STEAP1B: variants seen among roughly 807,000 people sequenced by gnomAD.
The protein encoded by STEAP1B is STEAP family member 1B.
Under a neutral mutation model 27.9 loss-of-function variants are expected in STEAP1B, and 13 were observed. The ratio of observed to expected loss-of-function variants is 0.47; its 90% CI spans 0.30 to 0.74. STEAP1B has a LOEUF of 0.74. STEAP1B is among the 30% of genes least tolerant of loss of function. The pLI is 0.06. For missense variants in STEAP1B, 250 were observed against 298.7 expected (o/e 0.84, Z 1.20); for synonymous variants, 86 against 107.1 (o/e 0.80, Z 1.22).
intron 4 of STEAP1B, among the ~76,000 whole-genome samples, chr7:22,473,846 G>A (rs1191486514): frequency 6.6e-6 from 1 of 152,166 alleles, no homozygotes; most frequent in Non-Finnish European, 1.5e-5. Flanking sequence ...TGTGATGGTG[G>A]TGATGGCAGA....
intron 4 of STEAP1B, among the ~76,000 whole-genome samples, chr7:22,421,487 G>A (rs2128397744): frequency 6.6e-6 from 1 of 152,334 alleles, no homozygotes. Flanking sequence ...AGTTCACAGT[G>A]GAAGCTGCTT....
rs773609493 is a variant in STEAP1B at position 22,493,375 on chromosome 7, G to GT, written c.545dup (p.Tyr182Ter). 6.2e-7 allele frequency: 1 copy of GT among 1,614,120 alleles called. No homozygotes were observed. Among genetic ancestry groups the GT allele is most frequent in the Non-Finnish European group, 8.5e-7 (1 of 1,180,016 alleles). Residue 182 changes from tyrosine to a stop codon, truncating the protein, a stop_gained and frameshift_variant, in exon 3 of 5, where the codon TAC (tyrosine) becomes TAAC (stop). Transcript: ENST00000678116. LOFTEE classifies it high-confidence loss of function. The part of the protein sequence containing the change: ...AVLHAIYTLS[Y>*]AMRRSYRYKL... ...TGTATCTGTAGGATCGCCTCATTGC[G>GT]TAAGACAGAGTATAAATTGCATGCA...
At chr7:22,483,211 G>A (rs1786115810) in intron 4 of STEAP1B, among the ~76,000 whole-genome samples, 1 of 151,842 alleles carries the variant, frequency 6.6e-6, no homozygotes, top group Admixed American at 6.5e-5. Flanking sequence ...GAGGATACAG[G>A]ACAAAATTAA....
intron 4 of STEAP1B, among the ~76,000 whole-genome samples, chr7:22,445,248 C>T (rs1402342752): frequency 6.6e-6 from 1 of 152,368 alleles, no homozygotes; most frequent in African/African-American, 2.4e-5. Context: ...CTTGGGCCAA[C>T]AGCAGATTTG....
rs1469654539 is a variant in STEAP1B at position 22,493,827 on chromosome 7, T to C, written c.94A>G (p.Thr32Ala). 3 of 1,601,512 alleles carry C rather than the reference T, an allele frequency of 1.9e-6. No homozygotes were observed. Among genetic ancestry groups the C allele is most frequent in the East Asian group, 2.2e-5 (1 of 44,814 alleles). Residue 32 changes from threonine to alanine, a missense_variant, in exon 3 of 5, where the codon ACG becomes GCG. Transcript: ENST00000678116. The stretch of plus-strand genomic sequence containing the variant: ...CTTTTTAGCATGCTGGTCTCTCCCG[T>C]GTCCTCATGCTACAAAGGAAAGAAA... ...LEDNDYLHED[T>A]GETSMLKRPV...
intron 4 of STEAP1B, among the ~76,000 whole-genome samples, chr7:22,475,211 G>A (rs1195735638): frequency 6.6e-6 from 1 of 152,152 alleles, no homozygotes; most frequent in African/African-American, 2.4e-5. Flanking sequence ...CTCCTAACGG[G>A]CACCTGGCAT....
intron 4 of STEAP1B, among the ~76,000 whole-genome samples, chr7:22,444,435 A>G (rs1347849907): frequency 1.3e-5 from 2 of 151,636 alleles, no homozygotes; most frequent in Non-Finnish European, 2.9e-5. Flanking sequence ...AAAAAAAAAA[A>G]GTAAAAAGAA....
intron 1 of STEAP1B, among the ~76,000 whole-genome samples, chr7:22,499,534 A>C: frequency 6.6e-6 from 1 of 152,194 alleles, no homozygotes; most frequent in Non-Finnish European, 1.5e-5. Context: ...GGAAGTGTAC[A>C]AAAAATTTAT....
chr7:22,453,909 T>C (rs1785529788), intron 4 of STEAP1B, among the ~76,000 whole-genome samples: 2 of 152,234 alleles, frequency 1.3e-5, no homozygotes, highest in African/African-American at 2.4e-5. Context: ...AGTATTCCAC[T>C]GTATGAATAT....
intron 4 of STEAP1B, among the ~76,000 whole-genome samples, chr7:22,442,545 G>C (rs1359470554): frequency 1.3e-5 from 2 of 152,248 alleles, no homozygotes; most frequent in African/African-American, 4.8e-5. Context: ...AAATACCTGG[G>C]GTTGGAGGTG....
At chr7:22,453,261 G>T (rs1403255566) in intron 4 of STEAP1B, among the ~76,000 whole-genome samples, 3 of 152,198 alleles carry the variant, frequency 2.0e-5, no homozygotes, top group Non-Finnish European at 2.9e-5. Flanking sequence ...CCTTCTGAAA[G>T]GTCTCATGAT....
rs186301596 is a variant in STEAP1B, at chr7:22,485,082, C to A, written c.762+7483G>T. On this transcript the variant is annotated intron_variant, in intron 4 of 4. Transcript: ENST00000678116. ...GACGCTGTGAAGATTGTTACAATGA[C>A]AAAAGATTTAGAATATCACATAAAC... Among the ~76,000 whole-genome samples, 265 of 152,276 alleles carry A rather than the reference C, an allele frequency of 1.7e-3. 1 individual carries two copies. Among genetic ancestry groups the A allele is most frequent in the African/African-American group, 6.1e-3 (255 of 41,532 alleles).
At chr7:22,438,431 G>A (rs1300030471) in intron 4 of STEAP1B, 1 of 1,506,086 alleles carries the variant, frequency 6.6e-7, no homozygotes, top group African/African-American at 1.4e-5. Flanking sequence ...ACCATGGTCT[G>A]GTCTGCAAGT....
At chr7:22,471,545 C>T (rs61262900) in intron 4 of STEAP1B, among the ~76,000 whole-genome samples, 2 of 151,918 alleles carry the variant, frequency 1.3e-5, no homozygotes, top group South Asian at 2.1e-4. Context: ...AGATACTGTA[C>T]GAGAAATAGA....
intron 4 of STEAP1B, among the ~76,000 whole-genome samples, chr7:22,437,536 A>G (rs1785270442): frequency 6.6e-6 from 1 of 152,196 alleles, no homozygotes; most frequent in Non-Finnish European, 1.5e-5. Context: ...TGTCTTGGCT[A>G]TTTTAAGTAA....
At chr7:22,481,738 G>A (rs942371015) in intron 4 of STEAP1B, among the ~76,000 whole-genome samples, 1 of 152,216 alleles carries the variant, frequency 6.6e-6, no homozygotes, top group Admixed American at 6.5e-5. Flanking sequence ...TGCACTTAGA[G>A]GGCTATGCCA....
chr7:22,467,026 T>C (rs985906907), intron 4 of STEAP1B, among the ~76,000 whole-genome samples: 6 of 152,166 alleles, frequency 3.9e-5, no homozygotes, highest in Non-Finnish European at 8.8e-5. Context: ...AAGGACAAAT[T>C]TGCTGTTTTT....
At chr7:22,423,788 A>G (rs3114707) in intron 4 of STEAP1B, among the ~76,000 whole-genome samples, 114,060 of 152,194 alleles carry the variant, frequency 0.75, 42,861 homozygotes, top group Middle Eastern at 0.79. Flanking sequence ...CAGCACTTTG[A>G]GAGGCCAAGG....
intron 4 of STEAP1B, among the ~76,000 whole-genome samples, chr7:22,428,287 T>C (rs990298544): frequency 4.6e-5 from 7 of 152,176 alleles, no homozygotes; most frequent in African/African-American, 1.4e-4. Context: ...CCAATACGCT[T>C]TGATAAAATA....
Sources: allele counts gnomAD v4.1 joint callset (sites outside exome capture counted in the v4.1 genomes callset), GRCh38; gene constraint gnomAD v4.1.1; transcripts MANE v1.5; gene names NCBI Gene and HGNC (gene_info 2026-07-23, HGNC 2026-07-21).